TET2: variants seen among roughly 807,000 people sequenced by gnomAD.
TET2 encodes tet methylcytosine dioxygenase 2.
A neutral mutation model predicts 142.9 loss-of-function variants in TET2; 299 were observed. The ratio of observed to expected loss-of-function variants is 2.09; its 90% CI spans 1.90 to 2.30. TET2 has a LOEUF of 2.30. Ranked by LOEUF, TET2 falls within the 30% of genes most tolerant of loss-of-function variation. The pLI is 0.00. For synonymous variants in TET2, 819 were observed against 849.0 expected (o/e 0.96, Z 0.61); for missense variants, 2,418 against 2,378.0 (o/e 1.02, Z -0.35).
Position 105,236,623 on chromosome 4 carries a change from C to T in TET2, c.2681C>T (p.Ser894Leu). The T allele has an allele frequency of 6.2e-7, 1 of 1,614,084 alleles. No homozygotes were observed. The highest frequency in any genetic ancestry group is 1.1e-5 in the South Asian group (1 of 91,086). The change falls in exon 3 of 11, where the codon TCA (serine) becomes TTA (leucine). Residue 894 changes from serine (S) to leucine (L), a missense_variant. Transcript: ENST00000380013. ...CAGGAGCAGAAGTCACAACAAGCTTCAGTTCTACAGGGATATAAAAATAGA... is the reference window on the plus strand; with the variant it reads ...CAGGAGCAGAAGTCACAACAAGCTTTAGTTCTACAGGGATATAAAAATAGA... ...QEQEQKSQQA[S>L]VLQGYKNRNQ...
chr4:105,171,160 G>A (rs967887021), intron 1 of TET2, among the ~76,000 whole-genome samples: 3 of 151,962 alleles, frequency 2.0e-5, no homozygotes, highest in Non-Finnish European at 4.4e-5. Flanking sequence ...TTATTTCTGA[G>A]CTCCATGATG....
intron 1 of TET2, among the ~76,000 whole-genome samples, chr4:105,152,486 C>T (rs1400336491): frequency 6.6e-6 from 1 of 151,756 alleles, no homozygotes; most frequent in African/African-American, 2.4e-5. Flanking sequence ...CTACTGTTGA[C>T]CTCTCAGTCA....
chr4:105,267,805 TAAATTA>T (rs1222283920), intron 8 of TET2, among the ~76,000 whole-genome samples: 1 of 151,524 alleles, frequency 6.6e-6, no homozygotes, highest in African/African-American at 2.4e-5. Flanking sequence ...AAGATACAAA[TAAATTA>T]AAAAGATATT....
chr4:105,243,383 G>C (rs1408802097), intron 5 of TET2, among the ~76,000 whole-genome samples, 187 bp from the exon 6 acceptor site: 1 of 152,122 alleles, frequency 6.6e-6, no homozygotes, highest in Non-Finnish European at 1.5e-5. Flanking sequence ...TCTGATACTA[G>C]GGTCAAAGCC....
intron 2 of TET2, among the ~76,000 whole-genome samples, chr4:105,201,942 CAT>C (rs1049521257): frequency 1.1e-4 from 17 of 151,602 alleles, no homozygotes; most frequent in African/African-American, 3.6e-4. Flanking sequence ...AGGGTTTTGC[CAT>C]GTTGCCCAGG....
rs1284711005 is a variant in TET2 at position 105,234,371 on chromosome 4, T to C, written c.429T>C (p.Asp143=). The C allele has an allele frequency of 6.2e-7, 1 of 1,613,978 alleles. No homozygotes were observed. The change falls in exon 3 of 11, where the codon GAT becomes GAC. Residue 143 remains aspartate (D), a synonymous_variant. Coordinates refer to ENST00000380013, the MANE Select transcript of TET2 (RefSeq NM_001127208.3). ...PGESSQPNVS[D]LSDKKESVSS... ...AAAGCAGTCAACCAAATGTCTCCGATTTGAGTGATAAGAAAGAATCTGTGA... is the reference window on the plus strand; with the variant it reads ...AAAGCAGTCAACCAAATGTCTCCGACTTGAGTGATAAGAAAGAATCTGTGA...
intron 2 of TET2, among the ~76,000 whole-genome samples, chr4:105,228,593 A>G (rs1728318089): frequency 6.6e-6 from 1 of 152,148 alleles, no homozygotes; most frequent in Admixed American, 6.5e-5. Flanking sequence ...GTAGAAAAAC[A>G]TGTATTATGT....
chr4:105,185,344 A>G (rs1010699971), intron 1 of TET2, among the ~76,000 whole-genome samples: 45 of 152,324 alleles, frequency 3.0e-4, no homozygotes, highest in African/African-American at 1.1e-3. Flanking sequence ...CCACCCACAA[A>G]GGGTGTGCTA....
Position 105,190,434 on chromosome 4 carries a change from G to C in TET2, c.-118G>C. The C allele has an allele frequency of 1.4e-6, 1 of 701,434 alleles. No homozygotes were observed. Among genetic ancestry groups the C allele is most frequent in the East Asian group, 2.7e-5 (1 of 37,276 alleles). The allele number at this position is 701,434 out of a possible 1,614,324, so 43.5% of individuals were successfully genotyped here. On this transcript the variant is annotated 5_prime_UTR_variant, in exon 2 of 11. Transcript: ENST00000380013. ...TGCTCCTGTTGAGTTACAACGCTTG[G>C]AAGCAGGAGATGGGCTCAGCAGCAG...
Position 105,235,098 on chromosome 4 carries a change from G to A in TET2, c.1156G>A (p.Val386Met). 6.2e-7 allele frequency: 1 copy of A among 1,614,034 alleles called. No individual in the cohort carries two copies. Among genetic ancestry groups the A allele is most frequent in the Non-Finnish European group, 8.5e-7 (1 of 1,179,986 alleles). ...MNGAYFKQSS[V>M]FTKDSFSATT... ...TGGTGCTTACTTCAAGCAAAGCTCA[G>A]TGTTCACTAAGGATTCCTTTTCTGC... The change falls in exon 3 of 11, where the codon GTG becomes ATG. Residue 386 changes from valine (V) to methionine (M), a missense_variant. Transcript: ENST00000380013.
chr4:105,195,785 G>A (rs1167520370), intron 2 of TET2, among the ~76,000 whole-genome samples: 1 of 152,100 alleles, frequency 6.6e-6, no homozygotes, highest in Non-Finnish European at 1.5e-5. Context: ...TACCCATGGG[G>A]GGCTGACTAT....
chr4:105,205,916 G>A (rs1218283143), intron 2 of TET2, among the ~76,000 whole-genome samples: 1 of 152,172 alleles, frequency 6.6e-6, no homozygotes, highest in East Asian at 1.9e-4. Context: ...TTACAGGCGT[G>A]AGCCACCACA....
intron 8 of TET2, among the ~76,000 whole-genome samples, chr4:105,264,739 G>A (rs931689357): frequency 3.3e-5 from 5 of 152,126 alleles, no homozygotes; most frequent in African/African-American, 9.7e-5. Flanking sequence ...ATGTTAATAT[G>A]CTTTAGAGAT....
At chr4:105,156,739 C>T (rs1336964853) in intron 1 of TET2, among the ~76,000 whole-genome samples, 3 of 152,206 alleles carry the variant, frequency 2.0e-5, no homozygotes, top group Non-Finnish European at 2.9e-5. Context: ...TACCTGTCTG[C>T]ACTAAGAAGG....
chr4:105,205,130 A>G (rs1434881392), intron 2 of TET2, among the ~76,000 whole-genome samples: 2 of 152,148 alleles, frequency 1.3e-5, no homozygotes, highest in Non-Finnish European at 2.9e-5. Context: ...TTATTTTCAG[A>G]AATTCCTTAT....
intron 1 of TET2, among the ~76,000 whole-genome samples, chr4:105,186,792 C>A (rs1382207369): frequency 6.6e-6 from 1 of 152,080 alleles, no homozygotes; most frequent in Admixed American, 6.5e-5. Context: ...AAAATAGCAT[C>A]ATTAAGCTTC....
intron 4 of TET2, 90 bp from the exon 5 acceptor site, chr4:105,242,743 TA>T: frequency 1.3e-6 from 2 of 1,511,792 alleles, no homozygotes; most frequent in Non-Finnish European, 1.8e-6. Context: ...GGTCATAGAA[TA>T]AAGTTATGCT....
At chr4:105,230,852 T>G (rs1728469270) in intron 2 of TET2, among the ~76,000 whole-genome samples, 1 of 152,176 alleles carries the variant, frequency 6.6e-6, no homozygotes, top group Non-Finnish European at 1.5e-5. Flanking sequence ...TTTTTTTAAG[T>G]TTTCTCAGAT....
chr4:105,236,952 A>G lies in TET2; in HGVS notation c.3010A>G (p.Lys1004Glu), dbSNP rs762076515. Reference sequence around the variant, plus strand: ...AGCACCACCAGAAAACAAAACATGGAAAAAGGTAACTAAGCAAGAGAATCC... The same window carrying G: ...AGCACCACCAGAAAACAAAACATGGGAAAAGGTAACTAAGCAAGAGAATCC... ...HTAPPENKTW[K>E]KVTKQENPPA... The change falls in exon 3 of 11, where the codon AAA becomes GAA. Residue 1004 changes from lysine (K) to glutamate (E), a missense_variant. By Grantham distance (56) the Lys-to-Glu change is moderately conservative. Transcript: ENST00000380013. The G allele has an allele frequency of 2.5e-6, 4 of 1,614,098 alleles. No homozygotes were observed. The Admixed American group carries it at 6.7e-5, about 27-fold the overall frequency.
Sources: allele counts gnomAD v4.1 joint callset (sites outside exome capture counted in the v4.1 genomes callset), GRCh38; gene constraint gnomAD v4.1.1; transcripts MANE v1.5; gene names NCBI Gene and HGNC (gene_info 2026-07-23, HGNC 2026-07-21).